Variants in ELP6 observed in about 807,000 individuals in gnomAD.
The protein encoded by ELP6 is elongator acetyltransferase complex subunit 6, also known as elongator complex protein 6.
Under a neutral mutation model 28.1 loss-of-function variants are expected in ELP6, and 23 were observed. The ratio of observed to expected loss-of-function variants is 0.82; its 90% CI spans 0.59 to 1.16. The LOEUF (loss-of-function observed/expected upper bound fraction) is 1.16. ELP6 is among the 50% of genes most tolerant of loss of function. The pLI is 0.00. For missense variants in ELP6, 313 were observed against 334.6 expected (o/e 0.94, Z 0.50); for synonymous variants, 132 against 135.8 (o/e 0.97, Z 0.19).
intron 5 of ELP6, among the ~76,000 whole-genome samples, chr3:47,501,078 A>G (rs138172765): frequency 7.2e-5 from 11 of 152,308 alleles, no homozygotes; most frequent in African/African-American, 1.2e-4. Flanking sequence ...TAAAAACCCT[A>G]TTATGGCTAT....
chr3:47,511,354 C>T, intron 1 of ELP6, 128 bp from the exon 2 acceptor site: 2 of 1,433,354 alleles, frequency 1.4e-6, no homozygotes, highest in Non-Finnish European at 1.8e-6. Flanking sequence ...TAATGACATA[C>T]ATGCTAAGGT....
chr3:47,507,963 T>A (rs778233864), intron 3 of ELP6, among the ~76,000 whole-genome samples: 54,395 of 151,876 alleles, frequency 0.36, 10,064 homozygotes, highest in Middle Eastern at 0.48. Flanking sequence ...CCAGTTTAGA[T>A]ATGCGAACAC....
chr3:47,509,540 C>T (rs1708951184), intron 3 of ELP6, among the ~76,000 whole-genome samples: 1 of 152,226 alleles, frequency 6.6e-6, no homozygotes, highest in African/African-American at 2.4e-5. Flanking sequence ...TAGGGAAAGA[C>T]AGTGGGAGGC....
intron 1 of ELP6, chr3:47,512,024 C>T (rs1211675071): frequency 3.0e-6 from 3 of 985,466 alleles, no homozygotes; most frequent in African/African-American, 1.7e-5. Flanking sequence ...CACTTGATTA[C>T]TCCATTCTTT....
chr3:47,512,109 G>A, intron 1 of ELP6: 1 of 980,130 alleles, frequency 1.0e-6, no homozygotes, highest in Non-Finnish European at 1.2e-6. Context: ...GACAAGAACT[G>A]CCTGGCAACT....
chr3:47,512,381 CA>C (rs202093204), intron 1 of ELP6: 55 of 161,808 alleles, frequency 3.4e-4, no homozygotes, highest in African/African-American at 6.3e-4. Flanking sequence ...ACAAAAAATA[CA>C]AAAAAAAATC....
chr3:47,512,792 A>T, intron 1 of ELP6: 1 of 937,906 alleles, frequency 1.1e-6, no homozygotes, highest in Non-Finnish European at 1.3e-6. Flanking sequence ...ACAATGTGCC[A>T]ATTGCTCCGG....
At position 47,503,134 on chromosome 3, in the gene ELP6, A is replaced by AG. The variant is rs1280839470; in HGVS notation, c.323+1195dup. ...AGACATCTCCCCATACCTTGGGATG[A>AG]GGTATAACCAGCCCCTGCCTTCAAA... is the stretch of plus-strand genomic sequence containing the variant. On this transcript the variant is annotated intron_variant, in intron 4 of 6. Coordinates refer to ENST00000296149, the MANE Select transcript of ELP6 (RefSeq NM_001031703.3). 8 of 1,114,122 alleles carry AG rather than the reference A, an allele frequency of 7.2e-6. No homozygotes were observed. In the African/African-American group the frequency reaches 1.1e-4, roughly 16 times the overall value. 69.0% of individuals were successfully genotyped at this position (1,114,122 alleles called of 1,614,324 possible). A position where few individuals can be genotyped will look rare whatever the true frequency, so the allele number is the denominator to read the frequency against.
chr3:47,495,773 G>A lies in ELP6; in HGVS notation c.*296C>T, dbSNP rs1708463487. 3.0e-6 allele frequency: 1 copy of A among 329,348 alleles called. No individual in the cohort carries two copies. Among genetic ancestry groups the A allele is most frequent in the Non-Finnish European group, 5.5e-6 (1 of 180,846 alleles). 20.4% of individuals were successfully genotyped at this position (329,348 alleles called of 1,614,324 possible). On this transcript the variant is annotated 3_prime_UTR_variant, in exon 7 of 7. Transcript: ENST00000296149. ...TCTGAAAGGCTTGTCAACCAAAAAT[G>A]GGCAGCTGGGGCTAAGGCATATTTA...
intron 5 of ELP6, chr3:47,499,920 T>C (rs1164638827): frequency 1.3e-5 from 18 of 1,337,314 alleles, no homozygotes; most frequent in Admixed American, 8.3e-5. Flanking sequence ...GACGTGACCC[T>C]CAACCGTCGT....
intron 6 of ELP6, chr3:47,497,213 T>C (rs1708501903): frequency 1.0e-6 from 1 of 985,318 alleles, no homozygotes; most frequent in South Asian, 4.7e-5. Flanking sequence ...TTTAGAGGGG[T>C]AGAATCCAGC....
At chr3:47,513,282 G>A (rs1011924214) in intron 1 of ELP6, 1 of 1,330,578 alleles carries the variant, frequency 7.5e-7, no homozygotes, top group South Asian at 1.9e-5. Context: ...GTGAGCCACC[G>A]CGCCCGGCCG....
rs754166970 is a variant in ELP6, at chr3:47,504,377, G to A, written c.276C>T (p.Asp92=). ...GCTCCTTTTGAGCCTGGAAGACGAC[G>A]TCCACTGCAGACTTGAGTCCCTCAA... ...VFLEGLKSAV[D]VVFQAQKEPH... The change falls in exon 4 of 7, where the codon GAC becomes GAT. Residue 92 remains aspartate (D), a synonymous_variant. Transcript: ENST00000296149. 2.1e-5 allele frequency: 34 copies of A among 1,610,120 alleles called. No homozygotes were observed. The highest frequency in any genetic ancestry group is 6.7e-5 in the East Asian group (3 of 44,648).
chr3:47,511,702 T>C, intron 1 of ELP6: 1 of 687,574 alleles, frequency 1.5e-6, no homozygotes, highest in Non-Finnish European at 1.8e-6. Context: ...GAAGAAGCAG[T>C]TGCTGATACA....
rs984297672 is a variant in ELP6, at chr3:47,502,361, G to A, written c.324-510C>T. ...GGAGACGGAAGTTGCAGTGAGCCAC[G>A]ACTGAGATCATCCCACTGCACTCCA... On this transcript the variant is annotated intron_variant, in intron 4 of 6. Transcript: ENST00000296149. The A allele has an allele frequency of 1.5e-5, 14 of 953,610 alleles. No individual in the cohort carries two copies. In the South Asian group the frequency reaches 1.9e-4, roughly 13 times the overall value. 59.1% of individuals were successfully genotyped at this position (953,610 alleles called of 1,614,324 possible).
At chr3:47,502,547 T>C (rs1576342225) in intron 4 of ELP6, 2 of 984,622 alleles carry the variant, frequency 2.0e-6, no homozygotes, top group East Asian at 2.3e-4. Flanking sequence ...TGGAAAAAGT[T>C]AAACAGGCTG....
chr3:47,497,627 A>C (rs1432217397), intron 6 of ELP6, among the ~76,000 whole-genome samples: 1 of 149,978 alleles, frequency 6.7e-6, no homozygotes, highest in Non-Finnish European at 1.5e-5. Flanking sequence ...GTGAGTCTCC[A>C]CCTGTAAAAG....
At chr3:47,508,425 G>A (rs1420610673) in intron 3 of ELP6, among the ~76,000 whole-genome samples, 13 of 151,956 alleles carry the variant, frequency 8.6e-5, no homozygotes, top group Non-Finnish European at 1.8e-4. Flanking sequence ...AGAAATAAAT[G>A]AGTAGAATGC....
Position 47,495,849 on chromosome 3 carries a change from C to G in ELP6, c.*220G>C, listed in dbSNP as rs948836896. 1 of 640,474 alleles carries G rather than the reference C, an allele frequency of 1.6e-6. No homozygotes were observed. Among genetic ancestry groups the G allele is most frequent in the Admixed American group, 3.7e-5 (1 of 27,124 alleles). 39.7% of individuals were successfully genotyped at this position (640,474 alleles called of 1,614,324 possible). A position where few individuals can be genotyped will look rare whatever the true frequency, so the allele number is the denominator to read the frequency against. ...CACTTGGGTCTAGCATCCAGCCTCT[C>G]TCTCAGCAAAGGCAGGATTGTGGTC... On this transcript the variant is annotated 3_prime_UTR_variant, in exon 7 of 7. Coordinates refer to ENST00000296149, the MANE Select transcript of ELP6 (RefSeq NM_001031703.3).
Sources: allele counts gnomAD v4.1 joint callset (sites outside exome capture counted in the v4.1 genomes callset), GRCh38; gene constraint gnomAD v4.1.1; transcripts MANE v1.5; gene names NCBI Gene and HGNC (gene_info 2026-07-23, HGNC 2026-07-21).